The following MGAT5B variants were observed in gnomAD, a reference collection of about 807,000 sequenced individuals.
MGAT5B encodes the protein alpha-1,6-mannosylglycoprotein 6-beta-N-acetylglucosaminyltransferase B.
In MGAT5B, 54 loss-of-function variants were observed where a neutral mutation model predicts 95.1. That is an observed-to-expected ratio of 0.57 (90% confidence interval 0.46 to 0.71). The LOEUF (loss-of-function observed/expected upper bound fraction) is 0.71. Ranked by LOEUF, MGAT5B falls within the 30% of genes least tolerant of loss-of-function variation. The probability of loss-of-function intolerance (pLI) is 0.00; values close to 1 mark genes in which losing one functional copy is unlikely to be tolerated. For missense variants in MGAT5B, 935 were observed against 1,088.6 expected, an observed-to-expected ratio of 0.86 and a Z score of 1.99; for synonymous variants, 464 against 451.0, an observed-to-expected ratio of 1.03 and a Z score of -0.36.
intron 2 of MGAT5B, among the ~76,000 whole-genome samples, chr17:76,878,966 G>T (rs903651612): frequency 6.6e-6 from 1 of 151,298 alleles, no homozygotes; most frequent in African/African-American, 2.4e-5. Context: ...TGTCTGGTCC[G>T]CAGCAGAGCG....
chr17:76,900,938 T>C (rs1271800679), intron 3 of MGAT5B, among the ~76,000 whole-genome samples: 3 of 150,876 alleles, frequency 2.0e-5, no homozygotes, highest in Non-Finnish European at 4.4e-5. Context: ...CGTGCGTGTT[T>C]GTGTGTGAGT....
chr17:76,898,919 C>T (rs1048389759), intron 3 of MGAT5B, among the ~76,000 whole-genome samples: 3 of 152,202 alleles, frequency 2.0e-5, no homozygotes, highest in Non-Finnish European at 4.4e-5. Flanking sequence ...ACAGGGCCCA[C>T]GCTGGCCAGC....
chr17:76,872,536 A>C (rs1271444436), intron 1 of MGAT5B: 1 of 838,396 alleles, frequency 1.2e-6, no homozygotes, highest in Non-Finnish European at 1.8e-6. Flanking sequence ...TGGGGACTGC[A>C]CTTTCAGGAC....
At chr17:76,943,591 T>C in intron 15 of MGAT5B, among the ~76,000 whole-genome samples, 1 of 144,374 alleles carries the variant, frequency 6.9e-6, no homozygotes, top group South Asian at 2.4e-4. Flanking sequence ...AAAATTTTCT[T>C]TTTATATTAT....
In MGAT5B at chr17:76,903,373, G is replaced by A. The variant is rs1364252985; in HGVS notation, c.516G>A (p.Val172=). 1 of 1,610,356 alleles carries A rather than the reference G, an allele frequency of 6.2e-7. No individual in the cohort carries two copies. The highest frequency in any genetic ancestry group is 8.5e-7 in the Non-Finnish European group (1 of 1,178,282). ...AGTTCCCTGACTGCTCAGGGAAGGT[G>A]GAGGTGAGGCCTGGGGCTGAGGGGT... ...DPKFPDCSGK[V]EWMRARWTSD... The change falls in exon 5 of 18, where the codon GTG becomes GTA. Residue 172 remains valine (V), a synonymous_variant. Coordinates refer to ENST00000569840, the MANE Select transcript of MGAT5B (RefSeq NM_001199172.2).
chr17:76,902,218 A>C (rs487952), intron 3 of MGAT5B, among the ~76,000 whole-genome samples: 50 of 152,044 alleles, frequency 3.3e-4, no homozygotes, highest in African/African-American at 1.0e-3. Context: ...GAAGGTGGAC[A>C]TGAGGCCTGG....
chr17:76,880,594 C>G (rs558821366), intron 2 of MGAT5B, among the ~76,000 whole-genome samples: 1 of 152,356 alleles, frequency 6.6e-6, no homozygotes, highest in African/African-American at 2.4e-5. Context: ...CCTTCCTGGT[C>G]CTGTGGTCTG....
intron 8 of MGAT5B, chr17:76,913,796 A>G (rs1968829486): frequency 2.2e-6 from 1 of 460,554 alleles, no homozygotes; most frequent in African/African-American, 2.0e-5. Context: ...TAAGAAGGAG[A>G]CTGAAAAATG....
At chr17:76,924,517 A>G (rs749868) in intron 8 of MGAT5B, 84,555 of 156,730 alleles carry the variant, frequency 0.54, 24,411 homozygotes, top group East Asian at 0.8. Flanking sequence ...CCTGGGCGCC[A>G]GGAGCTCAGT....
Position 76,939,386 on chromosome 17 carries a change from C to T in MGAT5B, c.1585-1016C>T, listed in dbSNP as rs371477629. Among the ~76,000 whole-genome samples the T allele has an allele frequency of 3.4e-4, 51 of 151,880 alleles. 1 individual carries two copies. In the East Asian group the frequency reaches 8.9e-3, roughly 27 times the overall value. On this transcript the variant is annotated intron_variant, in intron 13 of 17. Coordinates refer to ENST00000569840, the MANE Select transcript of MGAT5B (RefSeq NM_001199172.2). ...AAAATCAGCTGGGTGTGGTGGCGGG[C>T]GCCTGTAGTCCTGGCTACTCAGGAG... is the stretch of plus-strand genomic sequence containing the variant.
At position 76,912,016 on chromosome 17, in the gene MGAT5B, T is replaced by C. The variant is rs187995489; in HGVS notation, c.1025+5829T>C. On this transcript the variant is annotated intron_variant, in intron 8 of 17. Coordinates refer to ENST00000569840, the MANE Select transcript of MGAT5B (RefSeq NM_001199172.2). This position sits in a 1 kb window ranked among gnomAD's most constrained non-coding sequence, Gnocchi z 5.0. ...GTGAGGAACTTGGTGACCCTTGTCC[T>C]GCAGCTACATCTCTACAATCATCTC... 1.3e-5 allele frequency among the ~76,000 whole-genome samples: 2 copies of C among 152,320 alleles called. No individual in the cohort carries two copies. The highest frequency in any genetic ancestry group is 3.9e-4 in the East Asian group (2 of 5,188).
intron 2 of MGAT5B, 135 bp downstream of exon 2, chr17:76,873,098 C>T (rs1306811947): frequency 4.1e-6 from 4 of 965,928 alleles, no homozygotes; most frequent in African/African-American, 1.6e-5. Context: ...GGGGCCTGGG[C>T]TTGGGCCGTA....
intron 2 of MGAT5B, among the ~76,000 whole-genome samples, chr17:76,875,295 T>C (rs1029585783): frequency 5.9e-5 from 9 of 152,184 alleles, no homozygotes; most frequent in African/African-American, 2.2e-4. Context: ...AATTGATTCA[T>C]GGGGGTGGTT....
intron 12 of MGAT5B, among the ~76,000 whole-genome samples, chr17:76,934,021 G>T (rs1328887182): frequency 1.3e-5 from 2 of 152,212 alleles, no homozygotes; most frequent in Non-Finnish European, 2.9e-5. Flanking sequence ...ACAGGGCCAT[G>T]CCCACTTCCA....
intron 12 of MGAT5B, among the ~76,000 whole-genome samples, chr17:76,937,363 G>A (rs1352669524): frequency 6.6e-6 from 1 of 152,128 alleles, no homozygotes; most frequent in Non-Finnish European, 1.5e-5. Flanking sequence ...GTCGATGGGT[G>A]GATGGGTGAG....
chr17:76,901,948 G>A (rs374371571), intron 3 of MGAT5B, among the ~76,000 whole-genome samples: 6 of 152,274 alleles, frequency 3.9e-5, no homozygotes, highest in African/African-American at 7.2e-5. Context: ...TGCCTGACAC[G>A]TGCAGATAGG....
intron 15 of MGAT5B, among the ~76,000 whole-genome samples, chr17:76,942,443 C>T (rs1969890622): frequency 6.6e-6 from 1 of 152,192 alleles, no homozygotes; most frequent in Non-Finnish European, 1.5e-5. Context: ...AGGAGAATCG[C>T]TTGAACCTGG....
chr17:76,877,558 G>T (rs79760823), intron 2 of MGAT5B, among the ~76,000 whole-genome samples: 1 of 152,074 alleles, frequency 6.6e-6, no homozygotes, highest in Non-Finnish European at 1.5e-5. Context: ...CAGGCTTGAT[G>T]GATGGGGGAC....
In MGAT5B at chr17:76,906,225, A is replaced by G. The variant is rs1029922049; in HGVS notation, c.1025+38A>G. 70 of 1,563,490 alleles carry G rather than the reference A, an allele frequency of 4.5e-5. No individual in the cohort carries two copies. The highest frequency in any genetic ancestry group is 5.9e-5 in the Non-Finnish European group (68 of 1,161,760). The stretch of plus-strand genomic sequence containing the variant: ...GAAAGCCACTGGCATTAAGTGGGGC[A>G]GGGAGGGGATGAAGGGGAACCCCAC... On this transcript the variant is annotated intron_variant, in intron 8 of 17. Transcript: ENST00000569840. This position sits in a 1 kb window ranked among gnomAD's most constrained non-coding sequence, Gnocchi z 4.6.
Sources: allele counts gnomAD v4.1 joint callset (sites outside exome capture counted in the v4.1 genomes callset), GRCh38; gene constraint gnomAD v4.1.1; non-coding constraint Gnocchi (gnomAD v3.1); transcripts MANE v1.5; gene names NCBI Gene and HGNC (gene_info 2026-07-23, HGNC 2026-07-21).